The following ULK4 variants were observed in gnomAD, a reference collection of about 807,000 sequenced individuals.
ULK4 encodes the protein inactive serine/threonine-protein kinase ULK4.
A neutral mutation model predicts 160.6 loss-of-function variants in ULK4; 133 were observed. That is an observed-to-expected ratio of 0.83 (90% CI 0.72 to 0.96). The LOEUF (loss-of-function observed/expected upper bound fraction) is 0.96. Among genes scored for constraint, ULK4 ranks in the 40% least tolerant of loss-of-function variants. The pLI, the probability that ULK4 is intolerant of heterozygous loss-of-function variation, is 0.00. For missense variants in ULK4, 1,580 were observed against 1,499.5 expected (o/e 1.05, Z -0.89); for synonymous variants, 534 against 539.8 (o/e 0.99, Z 0.15).
At chr3:41,464,053 G>A (rs1255967676) in intron 32 of ULK4, among the ~76,000 whole-genome samples, 4 of 150,400 alleles carry the variant, frequency 2.7e-5, no homozygotes, top group Admixed American at 6.6e-5. Flanking sequence ...TTTTACACAC[G>A]CAGATGGGGG....
chr3:41,509,856 C>T (rs915629663), intron 32 of ULK4, among the ~76,000 whole-genome samples: 40 of 152,104 alleles, frequency 2.6e-4, no homozygotes, highest in African/African-American at 9.7e-4. Context: ...TTGAAATACA[C>T]CAAAATAGAA....
At chr3:41,641,527 T>C (rs2034193642) in intron 30 of ULK4, among the ~76,000 whole-genome samples, 1 of 152,032 alleles carries the variant, frequency 6.6e-6, no homozygotes, top group Non-Finnish European at 1.5e-5. Flanking sequence ...GGAGACCCCA[T>C]CACTACAAAG....
At chr3:41,901,004 T>C (rs894722565) in intron 12 of ULK4, among the ~76,000 whole-genome samples, 175 bp from the exon 13 acceptor site, 1 of 152,166 alleles carries the variant, frequency 6.6e-6, no homozygotes, top group Non-Finnish European at 1.5e-5. Flanking sequence ...AATCCTAAAC[T>C]GTAGGCACCA....
intron 35 of ULK4, among the ~76,000 whole-genome samples, chr3:41,300,840 TATATATATATATATA>T (rs2079776282): frequency 3.2e-4 from 7 of 22,208 alleles, no homozygotes; most frequent in African/African-American, 1.1e-3. Flanking sequence ...TTACAGATTA[TATATATATATATATA>T]TATATATATA....
chr3:41,381,642 C>T (rs2081654535), intron 35 of ULK4, among the ~76,000 whole-genome samples: 1 of 152,140 alleles, frequency 6.6e-6, no homozygotes, highest in African/African-American at 2.4e-5. Flanking sequence ...CAAAATATAA[C>T]CATTTTTTAC....
chr3:41,565,543 C>A (rs1440615001), intron 32 of ULK4, among the ~76,000 whole-genome samples: 1 of 152,114 alleles, frequency 6.6e-6, no homozygotes, highest in Non-Finnish European at 1.5e-5. Flanking sequence ...GGAAAAGAAA[C>A]CTAAGCTAGC....
chr3:41,898,346 C>T (rs1698239367), intron 14 of ULK4, 86 bp downstream of exon 14: 1 of 800,252 alleles, frequency 1.2e-6, no homozygotes, highest in South Asian at 2.1e-5. Context: ...TTTAGTTATT[C>T]ACATATATTC....
intron 32 of ULK4, among the ~76,000 whole-genome samples, chr3:41,477,036 C>T (rs989611199): frequency 1.3e-5 from 2 of 152,184 alleles, no homozygotes; most frequent in Non-Finnish European, 2.9e-5. Flanking sequence ...TGTGCTAGTA[C>T]TTCCCAGTCC....
rs530787699 is a variant in ULK4 at position 41,472,786 on chromosome 3, C to G, written c.3227-9533G>C. Among the ~76,000 whole-genome samples, 13 of 152,170 alleles carry G rather than the reference C, an allele frequency of 8.5e-5. 1 individual carries two copies. The South Asian group carries it at 2.7e-3, about 32-fold the overall frequency. On this transcript the variant is annotated intron_variant, in intron 32 of 36. Transcript: ENST00000301831. ...AATTCTTTTTATGAGCCCAGCATTA[C>G]CCTCATACCAAAGCCAGACAAGGAT...
chr3:41,887,856 C>T (rs1337007741), intron 16 of ULK4, among the ~76,000 whole-genome samples: 3 of 151,552 alleles, frequency 2.0e-5, no homozygotes, highest in Admixed American at 1.3e-4. Context: ...ATACCTTATA[C>T]ATCATATTAA....
intron 32 of ULK4, among the ~76,000 whole-genome samples, chr3:41,525,529 CA>C (rs1339542749): frequency 6.6e-6 from 1 of 152,174 alleles, no homozygotes; most frequent in Non-Finnish European, 1.5e-5. Context: ...GTCTCCCTCC[CA>C]AAGGGCATAG....
chr3:41,665,895 G>C (rs1030138870), intron 29 of ULK4, among the ~76,000 whole-genome samples: 5 of 152,192 alleles, frequency 3.3e-5, no homozygotes, highest in Non-Finnish European at 7.3e-5. Context: ...TGATTTGCTA[G>C]AAGGACTCAC....
chr3:41,922,435 T>C (rs547943419), intron 5 of ULK4, among the ~76,000 whole-genome samples: 16 of 151,926 alleles, frequency 1.1e-4, no homozygotes, highest in African/African-American at 3.6e-4. Flanking sequence ...TACAGTGAGA[T>C]ATGATCATGC....
At chr3:41,836,987 A>G (rs2041778434) in intron 17 of ULK4, among the ~76,000 whole-genome samples, 1 of 152,226 alleles carries the variant, frequency 6.6e-6, no homozygotes, top group East Asian at 1.9e-4. Context: ...ACTACTCTCA[A>G]TGTGACTCAA....
intron 32 of ULK4, among the ~76,000 whole-genome samples, chr3:41,565,775 T>C (rs1201612893): frequency 1.3e-5 from 2 of 152,236 alleles, no homozygotes; most frequent in Non-Finnish European, 1.5e-5. Flanking sequence ...TCAGTCTAAA[T>C]ACTATGATTA....
At chr3:41,822,665 C>G (rs908337388) in intron 18 of ULK4, among the ~76,000 whole-genome samples, 1 of 150,896 alleles carries the variant, frequency 6.6e-6, no homozygotes, top group African/African-American at 2.4e-5. Flanking sequence ...GTGATCCACC[C>G]GCCTCAGCCT....
intron 23 of ULK4, among the ~76,000 whole-genome samples, chr3:41,716,419 G>C (rs954458942): frequency 3.3e-5 from 5 of 151,940 alleles, no homozygotes; most frequent in African/African-American, 1.2e-4. Context: ...CCCTAAAACA[G>C]GATAAGTCCG....
At chr3:41,532,062 G>A (rs1400277852) in intron 32 of ULK4, among the ~76,000 whole-genome samples, 4 of 152,178 alleles carry the variant, frequency 2.6e-5, no homozygotes, top group African/African-American at 9.7e-5. Context: ...CAGACAGGTA[G>A]ACAGTCACAA....
At chr3:41,431,488 C>A (rs2082906088) in intron 34 of ULK4, among the ~76,000 whole-genome samples, 1 of 145,216 alleles carries the variant, frequency 6.9e-6, no homozygotes, top group African/African-American at 2.6e-5. Context: ...GCTAAGAGTT[C>A]TTCATGCATT....
Sources: gnomAD v4.1 joint callset for allele counts (sites outside exome capture counted in the v4.1 genomes callset) on GRCh38, gnomAD v4.1.1 for gene constraint, MANE v1.5 for transcripts, NCBI Gene and HGNC (gene_info 2026-07-23, HGNC 2026-07-21) for gene names.